The following GRID2 variants were observed in gnomAD, a reference collection of about 807,000 sequenced individuals.
GRID2 encodes the protein glutamate ionotropic receptor delta type subunit 2.
In GRID2, 33 loss-of-function variants were observed where a neutral mutation model predicts 114.8. The ratio of observed to expected loss-of-function variants is 0.29; its 90% CI spans 0.22 to 0.38. The LOEUF is 0.38. GRID2 is among the 10% of genes least tolerant of loss of function. The pLI is 1.00. For synonymous variants in GRID2, 505 were observed against 449.9 expected (o/e 1.12, Z -1.55); for missense variants, 1,184 against 1,257.7 (o/e 0.94, Z 0.89).
intron 1 of GRID2, among the ~76,000 whole-genome samples, chr4:92,306,780 A>T (rs955383572): frequency 1.3e-5 from 2 of 152,218 alleles, no homozygotes; most frequent in Admixed American, 6.5e-5. Context: ...AGTGGCTATA[A>T]TCACATTTAA....
At chr4:92,655,304 T>C (rs1455948707) in intron 2 of GRID2, among the ~76,000 whole-genome samples, 1 of 152,000 alleles carries the variant, frequency 6.6e-6, no homozygotes, top group Admixed American at 6.6e-5. Context: ...TATTTCGCAG[T>C]TAGGTAGTAT....
At chr4:92,665,451 T>C (rs898508117) in intron 2 of GRID2, among the ~76,000 whole-genome samples, 1 of 151,280 alleles carries the variant, frequency 6.6e-6, no homozygotes, top group Non-Finnish European at 1.5e-5. Flanking sequence ...GGAAACAATA[T>C]GTATAGTTAT....
chr4:93,454,553 T>C (rs72668735), intron 10 of GRID2, among the ~76,000 whole-genome samples: 2,124 of 152,076 alleles, frequency 0.014, 17 homozygotes, highest in South Asian at 0.055. Context: ...ATATATGAAC[T>C]CGGTACACAC....
intron 1 of GRID2, among the ~76,000 whole-genome samples, chr4:92,489,782 G>T (rs1723066435): frequency 6.6e-6 from 1 of 151,360 alleles, no homozygotes; most frequent in South Asian, 2.1e-4. Flanking sequence ...GGAGCTGGAA[G>T]TTGCAGTGAG....
At chr4:92,334,658 G>A (rs889915886) in intron 1 of GRID2, among the ~76,000 whole-genome samples, 1 of 151,978 alleles carries the variant, frequency 6.6e-6, no homozygotes, top group Non-Finnish European at 1.5e-5. Context: ...ATGCCCACAA[G>A]GTAGAGCTCT....
intron 11 of GRID2, among the ~76,000 whole-genome samples, chr4:93,462,829 T>C (rs1167774188): frequency 6.6e-6 from 1 of 152,224 alleles, no homozygotes; most frequent in Non-Finnish European, 1.5e-5. Context: ...TTCTTTATAT[T>C]GTTACCTAAT....
chr4:92,750,378 C>A (rs1019387863), intron 2 of GRID2, among the ~76,000 whole-genome samples: 1 of 152,102 alleles, frequency 6.6e-6, no homozygotes, highest in African/African-American at 2.4e-5. Context: ...TTTCGCTAAG[C>A]CCTTAGGATC....
At chr4:93,739,774 C>A (rs1234643854) in intron 14 of GRID2, among the ~76,000 whole-genome samples, 1 of 152,132 alleles carries the variant, frequency 6.6e-6, no homozygotes, top group Admixed American at 6.5e-5. Context: ...CTAGTTTTCT[C>A]ATTTTCTGCC....
At chr4:92,695,580 TG>T (rs1327565070) in intron 2 of GRID2, among the ~76,000 whole-genome samples, 2 of 151,906 alleles carry the variant, frequency 1.3e-5, no homozygotes, top group Non-Finnish European at 2.9e-5. Context: ...TGTGATAATG[TG>T]AAAAAAAAAT....
intron 1 of GRID2, among the ~76,000 whole-genome samples, chr4:93,791,631 G>A (rs1286990219): frequency 6.6e-5 from 10 of 152,204 alleles, no homozygotes; most frequent in Admixed American, 5.9e-4. Flanking sequence ...AATAGAGGCA[G>A]TTCCTTGCAC....
chr4:93,788,982 A>G (rs1734645048), intron 1 of GRID2, among the ~76,000 whole-genome samples: 1 of 152,144 alleles, frequency 6.6e-6, no homozygotes, highest in South Asian at 2.1e-4. Context: ...ACAACAAATC[A>G]TTTTTTTATT....
intron 14 of GRID2, among the ~76,000 whole-genome samples, chr4:93,711,919 C>G (rs921591567): frequency 5.3e-5 from 8 of 152,080 alleles, no homozygotes; most frequent in African/African-American, 1.9e-4. Flanking sequence ...ATAGTTGTAC[C>G]GTTTGGTATT....
intron 14 of GRID2, among the ~76,000 whole-genome samples, chr4:93,741,174 C>CATATATATATAT (rs376106965): frequency 0.022 from 907 of 40,854 alleles, 49 homozygotes; most frequent in African/African-American, 0.03. Context: ...TATATATATA[C>CATATATATATAT]ATATATATAT....
intron 10 of GRID2, among the ~76,000 whole-genome samples, chr4:93,452,806 A>G (rs1722807817): frequency 6.6e-6 from 1 of 151,902 alleles, no homozygotes; most frequent in Admixed American, 6.6e-5. Flanking sequence ...AGAATAAATA[A>G]TTGTCTTTGA....
At chr4:92,823,205 GA>G (rs1741417262) in intron 2 of GRID2, among the ~76,000 whole-genome samples, 2 of 152,106 alleles carry the variant, frequency 1.3e-5, no homozygotes, top group African/African-American at 4.8e-5. Context: ...TATATATGGA[GA>G]AAAGAAGTTG....
At chr4:93,316,339 A>AGAAAGAAAGAAG (rs1192535496) in intron 8 of GRID2, among the ~76,000 whole-genome samples, 645 of 54,864 alleles carry the variant, frequency 0.012, 3 homozygotes, top group Middle Eastern at 0.023. Context: ...AAAGAAAGAA[A>AGAAAGAAAGAAG]GAAGGAAGGA....
At chr4:92,580,017 A>G (rs898319806) in intron 1 of GRID2, among the ~76,000 whole-genome samples, 66 of 147,892 alleles carry the variant, frequency 4.5e-4, no homozygotes, top group Middle Eastern at 7.2e-3. Flanking sequence ...TATATAGTAT[A>G]ATGGACTCAG....
chr4:93,777,234 C>G (rs950015363), downstream of GRID2, among the ~76,000 whole-genome samples: 2 of 152,240 alleles, frequency 1.3e-5, no homozygotes, highest in Non-Finnish European at 2.9e-5. Context: ...CAGCCTACCA[C>G]TGGGATAGAA....
At chr4:93,634,673 C>T (rs1369468) in intron 14 of GRID2, among the ~76,000 whole-genome samples, 1 of 151,908 alleles carries the variant, frequency 6.6e-6, no homozygotes, top group Non-Finnish European at 1.5e-5. Context: ...TCTGTACAGA[C>T]GAGGATTTGA....
Sources: allele counts gnomAD v4.1 joint callset (sites outside exome capture counted in the v4.1 genomes callset), GRCh38; gene constraint gnomAD v4.1.1; transcripts MANE v1.5; gene names NCBI Gene and HGNC (gene_info 2026-07-23, HGNC 2026-07-21).